PTPRC: variants seen among roughly 807,000 people sequenced by gnomAD.
PTPRC encodes protein tyrosine phosphatase receptor type C.
Under a neutral mutation model 155.9 loss-of-function variants are expected in PTPRC, and 44 were observed. The observed-to-expected ratio is 0.28, with a 90% CI of 0.22 to 0.36. PTPRC has a LOEUF of 0.36. Ranked by LOEUF, PTPRC falls within the 10% of genes least tolerant of loss-of-function variation. PTPRC has a pLI of 1.00. For missense variants in PTPRC, 1,401 were observed against 1,564.6 expected (o/e 0.90, Z 1.76); for synonymous variants, 525 against 533.1 (o/e 0.98, Z 0.21).
At chr1:198,724,669 A>G (rs2102463713) in intron 15 of PTPRC, among the ~76,000 whole-genome samples, 1 of 147,600 alleles carries the variant, frequency 6.8e-6, no homozygotes, top group South Asian at 2.2e-4. Context: ...TTCTAATTCC[A>G]TCCTGATTCT....
At chr1:198,698,258 A>C (rs1666298773) in intron 4 of PTPRC, among the ~76,000 whole-genome samples, 1 of 152,252 alleles carries the variant, frequency 6.6e-6, no homozygotes, top group African/African-American at 2.4e-5. Flanking sequence ...AAAGTTGAAT[A>C]GATTGAAAAT....
At chr1:198,748,374 T>A (rs1337087269) in intron 27 of PTPRC, among the ~76,000 whole-genome samples, 175 bp downstream of exon 27, 1 of 151,870 alleles carries the variant, frequency 6.6e-6, no homozygotes, top group Non-Finnish European at 1.5e-5. Context: ...GAACTTATAA[T>A]CCTGAACATT....
intron 12 of PTPRC, among the ~76,000 whole-genome samples, chr1:198,714,964 T>A (rs190231716): frequency 1.3e-3 from 194 of 152,312 alleles, no homozygotes; most frequent in African/African-American, 3.3e-3. Flanking sequence ...CAGGTTTTTT[T>A]AATTATGTAT....
intron 27 of PTPRC, 63 bp downstream of exon 27, chr1:198,748,262 A>C (rs1655231532): frequency 6.5e-7 from 1 of 1,534,044 alleles, no homozygotes; most frequent in Non-Finnish European, 8.8e-7. Flanking sequence ...GATTTGTTTA[A>C]TGTGGGACAC....
In PTPRC at chr1:198,747,985, A is replaced by G. The variant is rs929800751; in HGVS notation, c.2848-124A>G. On this transcript the variant is annotated intron_variant, in intron 26 of 32. Coordinates refer to ENST00000442510, the MANE Select transcript of PTPRC (RefSeq NM_002838.5). ...GAGGCAAACCGAAAAATTATGGCCT[A>G]TAGGGAGCATATGCAAATTTCACAA... 1.1e-5 allele frequency: 15 copies of G among 1,413,284 alleles called. No homozygotes were observed. The East Asian group carries it at 3.0e-4, about 28-fold the overall frequency. The allele number at this position is 1,413,284 out of a possible 1,614,324, so 87.5% of individuals were successfully genotyped here. A position where few individuals can be genotyped will look rare whatever the true frequency, so the allele number is the denominator to read the frequency against.
chr1:198,721,060 T>C (rs1443960980), intron 14 of PTPRC, among the ~76,000 whole-genome samples: 1 of 152,216 alleles, frequency 6.6e-6, no homozygotes, highest in Non-Finnish European at 1.5e-5. Flanking sequence ...AATACAACCT[T>C]AACGTTCAAA....
rs1655718278 is a variant in PTPRC at position 198,757,109 on chromosome 1, T to TTTCA, written c.*931_*934dup. 2 of 151,890 alleles carry TTTCA rather than the reference T, an allele frequency of 1.3e-5. No homozygotes were observed. The highest frequency in any genetic ancestry group is 4.8e-5 in the African/African-American group (2 of 41,420). 9.4% of individuals were successfully genotyped at this position (151,890 alleles called of 1,614,324 possible). A position where few individuals can be genotyped will look rare whatever the true frequency, so the allele number is the denominator to read the frequency against. Reference sequence around the variant, plus strand: ...TTAATATAGCTATTTTTATGGAATTTTTCATTGATATGAAAAATATGATAT... The same window carrying TTTCA: ...TTAATATAGCTATTTTTATGGAATTTTTCATTCATTGATATGAAAAATATGATAT... On this transcript the variant is annotated 3_prime_UTR_variant, in exon 33 of 33. Transcript: ENST00000442510.
At chr1:198,650,759 T>G (rs1326272) in intron 2 of PTPRC, among the ~76,000 whole-genome samples, 59,661 of 151,416 alleles carry the variant, frequency 0.39, 12,183 homozygotes, top group East Asian at 0.68. Context: ...ATGTAGAGAG[T>G]AGCAGATGAC....
intron 2 of PTPRC, chr1:198,660,575 C>G (rs1663907752): frequency 6.6e-6 from 1 of 151,564 alleles, no homozygotes; most frequent in Non-Finnish European, 1.5e-5. Context: ...AGGTTGTCAT[C>G]TGTGACACAG....
chr1:198,653,979 G>C (rs1374414732), intron 2 of PTPRC, among the ~76,000 whole-genome samples: 2 of 151,778 alleles, frequency 1.3e-5, no homozygotes, highest in African/African-American at 4.8e-5. Context: ...ATCTGGATTT[G>C]ATGGCAAGAA....
Position 198,716,831 on chromosome 1 carries a change from A to G in PTPRC, c.1441A>G (p.Lys481Glu), listed in dbSNP as rs61749266. 2,408 of 1,613,584 alleles carry G rather than the reference A, an allele frequency of 1.5e-3. 5 individuals are homozygous for G. The highest frequency in any genetic ancestry group is 2.0e-3 in the Non-Finnish European group (2,308 of 1,179,880). ...GSAAMCHFTTKSAPPSQVWNM... is the reference protein window; with the variant it reads ...GSAAMCHFTTESAPPSQVWNM... ...TGCTGCAATGTGTCATTTCACAACTAAAAGTGCTCGTAAGTTATATGTTTT... is the reference window on the plus strand; with the variant it reads ...TGCTGCAATGTGTCATTTCACAACTGAAAGTGCTCGTAAGTTATATGTTTT... The change falls in exon 13 of 33, where the codon AAA (lysine) becomes GAA (glutamate). Residue 481 changes from lysine (K) to glutamate (E), a missense_variant. Physicochemically the swap from Lys to Glu is moderately conservative, Grantham distance 56. This residue lies in a region of PTPRC where 867 missense variants were observed against 970.4 expected (regional missense o/e 0.89). Coordinates refer to ENST00000442510, the MANE Select transcript of PTPRC (RefSeq NM_002838.5).
intron 12 of PTPRC, among the ~76,000 whole-genome samples, chr1:198,715,232 C>T (rs1653519364): frequency 6.6e-6 from 1 of 152,118 alleles, no homozygotes; most frequent in African/African-American, 2.4e-5. Context: ...ACGCCATTCT[C>T]CCGCCTCAGC....
At chr1:198,663,162 T>C (rs918618816) in intron 2 of PTPRC, among the ~76,000 whole-genome samples, 1 of 152,228 alleles carries the variant, frequency 6.6e-6, no homozygotes, top group African/African-American at 2.4e-5. Flanking sequence ...ACTGAACTTA[T>C]GACCACCACT....
chr1:198,728,426 G>A lies in PTPRC; in HGVS notation c.1807G>A (p.Asp603Asn), dbSNP rs200838498. 5.6e-6 allele frequency: 9 copies of A among 1,612,490 alleles called. No individual in the cohort carries two copies. The highest frequency in any genetic ancestry group is 2.2e-5 in the East Asian group (1 of 44,718). ...ALLVVLYKIY[D>N]LHKKRSCNLD... ...GCTTGTTGTTCTCTACAAAATCTAT[G>A]ATCTACATAAGAAAAGATCCTGGTA... Residue 603 changes from aspartate to asparagine, a missense_variant, in exon 16 of 33, where the codon GAT (aspartate) becomes AAT (asparagine). Physicochemically the swap from Asp to Asn is conservative, Grantham distance 23. This residue lies in a region of PTPRC where 867 missense variants were observed against 970.4 expected (regional missense o/e 0.89). Coordinates refer to ENST00000442510, the MANE Select transcript of PTPRC (RefSeq NM_002838.5).
chr1:198,747,096 A>G (rs1019439165), intron 26 of PTPRC, among the ~76,000 whole-genome samples: 1 of 151,758 alleles, frequency 6.6e-6, no homozygotes, highest in African/African-American at 2.4e-5. Flanking sequence ...ATTATCTATT[A>G]TCATTAAATA....
At chr1:198,725,474 TA>T (rs1654090323) in intron 15 of PTPRC, among the ~76,000 whole-genome samples, 1 of 152,222 alleles carries the variant, frequency 6.6e-6, no homozygotes, top group South Asian at 2.1e-4. Context: ...TCTCCAGAAT[TA>T]CCCTACTCCT....
In PTPRC at chr1:198,735,924, T is replaced by C. The variant is rs188323249; in HGVS notation, c.2403+672T>C. Among the ~76,000 whole-genome samples, 3 of 151,748 alleles carry C rather than the reference T, an allele frequency of 2.0e-5. No individual in the cohort carries two copies. In the East Asian group the frequency reaches 5.8e-4, roughly 30 times the overall value. On this transcript the variant is annotated intron_variant, in intron 23 of 32. Transcript: ENST00000442510. ...ATGGTGAAAATGTTCTATAATTAGA[T>C]ATTGGTGATGGTTGTACTATTTAGT...
chr1:198,707,086 T>C, intron 9 of PTPRC, 134 bp downstream of exon 9: 1 of 720,662 alleles, frequency 1.4e-6, no homozygotes, highest in Non-Finnish European at 2.4e-6. Flanking sequence ...TGGAAACAAG[T>C]GGGTGAACTT....
chr1:198,756,152 G>A lies in PTPRC; in HGVS notation c.3892G>A (p.Ala1298Thr), dbSNP rs867215071. 6.2e-7 allele frequency: 1 copy of A among 1,613,248 alleles called. No individual in the cohort carries two copies. Among genetic ancestry groups the A allele is most frequent in the African/African-American group, 1.3e-5 (1 of 74,984 alleles). ...GCCAGAACATTCTGTCAATGGTCCTGCAAGTCCAGCTTTAAATCAAGGTTC... is the reference window on the plus strand; with the variant it reads ...GCCAGAACATTCTGTCAATGGTCCTACAAGTCCAGCTTTAAATCAAGGTTC... ...EGPEHSVNGPASPALNQGS is the reference protein window; with the variant it reads ...EGPEHSVNGPTSPALNQGS The change falls in exon 33 of 33, where the codon GCA becomes ACA. Residue 1298 changes from alanine to threonine, a missense_variant. Coordinates refer to ENST00000442510, the MANE Select transcript of PTPRC (RefSeq NM_002838.5).
Sources: allele counts gnomAD v4.1 joint callset (sites outside exome capture counted in the v4.1 genomes callset), GRCh38; gene constraint gnomAD v4.1.1; regional missense constraint gnomAD v4.1.1; transcripts MANE v1.5; gene names NCBI Gene and HGNC (gene_info 2026-07-23, HGNC 2026-07-21).